Variants in EDARADD observed in about 807,000 individuals in gnomAD.
EDARADD encodes the protein EDAR associated via death domain.
A neutral mutation model predicts 25.6 loss-of-function variants in EDARADD; 20 were observed. That is an observed-to-expected ratio of 0.78 (90% CI 0.55 to 1.14). The LOEUF is 1.14. Ranked by LOEUF, EDARADD falls within the 50% of genes most tolerant of loss-of-function variation. The pLI is 0.00. For missense variants in EDARADD, 225 were observed against 270.1 expected (o/e 0.83, Z 1.17); for synonymous variants, 86 against 94.4 (o/e 0.91, Z 0.52).
intron 4 of EDARADD, among the ~76,000 whole-genome samples, chr1:236,460,819 G>GT (rs1467748906): frequency 4.8e-5 from 7 of 145,594 alleles, no homozygotes; most frequent in Admixed American, 6.8e-5. Flanking sequence ...AGTTTTGTGG[G>GT]GTTTTTTTTT....
chr1:236,450,914 C>A (rs938449088), intron 4 of EDARADD, among the ~76,000 whole-genome samples: 2 of 152,262 alleles, frequency 1.3e-5, no homozygotes, highest in African/African-American at 4.8e-5. Flanking sequence ...CTTTACACAT[C>A]GAGATCCAGA....
chr1:236,403,425 C>G (rs2103004430), intron 1 of EDARADD, among the ~76,000 whole-genome samples: 1 of 152,032 alleles, frequency 6.6e-6, no homozygotes, highest in Middle Eastern at 3.4e-3. Context: ...GTAGCTGGGA[C>G]TACAGGTGCC....
chr1:236,368,933 G>A (rs74802064), intron 3 of EDARADD, among the ~76,000 whole-genome samples: 9,004 of 152,154 alleles, frequency 0.059, 885 homozygotes, highest in African/African-American at 0.2. Flanking sequence ...CCAAGAATAT[G>A]TAAATTTTTG....
chr1:236,467,301 G>A (rs1428144245), intron 4 of EDARADD, among the ~76,000 whole-genome samples: 1 of 151,794 alleles, frequency 6.6e-6, no homozygotes, highest in Non-Finnish European at 1.5e-5. Context: ...CTGTGGGTGG[G>A]GGTGGGGTGG....
chr1:236,353,539 C>T lies in EDARADD; in HGVS notation c.-6+2700C>T, dbSNP rs531039093. ...TACTAAAATACAAAAATTAGCCGGG[C>T]GTGGTGGTGGGCACCTGTAATCCCA... On this transcript the variant is annotated intron_variant, in intron 3 of 7. Coordinates refer to the EDARADD transcript ENST00000439430. Among the ~76,000 whole-genome samples, 7 of 151,924 alleles carry T rather than the reference C, an allele frequency of 4.6e-5. No homozygotes were observed. The East Asian group carries it at 9.7e-4, about 21-fold the overall frequency.
intron 1 of EDARADD, among the ~76,000 whole-genome samples, chr1:236,405,768 T>TC (rs1667702531): frequency 1.6e-5 from 1 of 61,544 alleles, no homozygotes; most frequent in East Asian, 2.7e-4. Flanking sequence ...TTTCTTTCTT[T>TC]CTTTCTTTCT....
chr1:236,349,612 C>G (rs921260274), intron 2 of EDARADD, among the ~76,000 whole-genome samples: 2 of 151,912 alleles, frequency 1.3e-5, no homozygotes, highest in Non-Finnish European at 2.9e-5. Context: ...TTGAATTTAT[C>G]CTGGAATCAA....
At chr1:236,424,142 A>G (rs1657849778) in intron 3 of EDARADD, among the ~76,000 whole-genome samples, 1 of 135,984 alleles carries the variant, frequency 7.4e-6, no homozygotes, top group Non-Finnish European at 1.6e-5. Flanking sequence ...GTAGTAATCC[A>G]CTGTGAAGCA....
intron 4 of EDARADD, among the ~76,000 whole-genome samples, chr1:236,432,749 G>A (rs920565450): frequency 2.0e-5 from 3 of 152,068 alleles, no homozygotes; most frequent in Admixed American, 1.3e-4. Flanking sequence ...GCTGGGCATG[G>A]TGGTGGGTGC....
intron 4 of EDARADD, among the ~76,000 whole-genome samples, chr1:236,461,277 A>G (rs1659032190): frequency 6.6e-6 from 1 of 152,242 alleles, no homozygotes; most frequent in Non-Finnish European, 1.5e-5. Context: ...TAGTAGTTTC[A>G]TAGTTTGAGG....
upstream of EDARADD, among the ~76,000 whole-genome samples, chr1:236,390,779 C>G (rs115634790): frequency 0.014 from 2,114 of 152,182 alleles, 52 homozygotes; most frequent in African/African-American, 0.048. Context: ...CCAATTTTCT[C>G]ATGCCACTTT....
At chr1:236,349,147 C>G (rs1014624928) in intron 2 of EDARADD, among the ~76,000 whole-genome samples, 4 of 151,488 alleles carry the variant, frequency 2.6e-5, no homozygotes, top group African/African-American at 9.7e-5. Flanking sequence ...TCCCAAGGAG[C>G]TGGGACTACA....
intron 3 of EDARADD, among the ~76,000 whole-genome samples, chr1:236,385,281 T>C (rs1021269965): frequency 1.4e-4 from 21 of 151,198 alleles, no homozygotes; most frequent in Non-Finnish European, 2.4e-4. Context: ...TGGTGGTGGG[T>C]GCCTGTAGTC....
Position 236,482,283 on chromosome 1 carries a change from C to A in EDARADD, c.282C>A (p.Asn94Lys). 1 of 1,614,168 alleles carries A rather than the reference C, an allele frequency of 6.2e-7. No homozygotes were observed. Residue 94 changes from asparagine to lysine, a missense_variant, in exon 6 of 6, where the codon AAC (asparagine) becomes AAA (lysine). Coordinates refer to ENST00000334232, the MANE Select transcript of EDARADD (RefSeq NM_145861.4). ...GDPLPEISKD[N>K]SCKENCTCSS... is the part of the protein sequence containing the mutation. ...TCCCTGCAGAGATCAGCAAGGACAA[C>A]TCCTGCAAAGAAAACTGTACTTGTT...
At chr1:236,471,588 C>T (rs1202028877) in intron 5 of EDARADD, among the ~76,000 whole-genome samples, 20 of 152,004 alleles carry the variant, frequency 1.3e-4, no homozygotes, top group Admixed American at 1.3e-3. Flanking sequence ...GTATAACCAC[C>T]TGGGATAGAG....
intron 5 of EDARADD, among the ~76,000 whole-genome samples, chr1:236,473,863 T>G (rs1021314089): frequency 6.6e-6 from 1 of 152,116 alleles, no homozygotes; most frequent in South Asian, 2.1e-4. Context: ...CTCAATCTCC[T>G]GAGCTAATCG....
At chr1:236,362,944 T>G (rs1291329133) in intron 3 of EDARADD, among the ~76,000 whole-genome samples, 1 of 133,838 alleles carries the variant, frequency 7.5e-6, no homozygotes, top group Non-Finnish European at 1.5e-5. Context: ...GGTCAGAGAA[T>G]CGCTTGAGCC....
chr1:236,447,224 C>CTTTCTTTCTTTCTTT (rs58467420), intron 4 of EDARADD, among the ~76,000 whole-genome samples: 7 of 38,536 alleles, frequency 1.8e-4, no homozygotes, highest in South Asian at 1.3e-3. Context: ...TTCTTTCTTT[C>CTTTCTTTCTTTCTTT]CTTTCTTTCC....
At chr1:236,386,679 A>G (rs1572119960) in intron 3 of EDARADD, among the ~76,000 whole-genome samples, 1 of 18,122 alleles carries the variant, frequency 5.5e-5, no homozygotes, top group Non-Finnish European at 1.2e-4. Context: ...CTGCCTGGCA[A>G]CCGCCCCGTC....
Sources: gnomAD v4.1 joint callset for allele counts (sites outside exome capture counted in the v4.1 genomes callset) on GRCh38, gnomAD v4.1.1 for gene constraint, MANE v1.5 for transcripts, NCBI Gene and HGNC (gene_info 2026-07-23, HGNC 2026-07-21) for gene names.